The following SLC4A4 variants were observed in gnomAD, a reference collection of about 807,000 sequenced individuals.
The protein encoded by SLC4A4 is solute carrier family 4 member 4, also known as electrogenic sodium bicarbonate cotransporter 1.
Under a neutral mutation model 111.5 loss-of-function variants are expected in SLC4A4, and 27 were observed. That is an observed-to-expected ratio of 0.24 (90% CI 0.18 to 0.33). The LOEUF (loss-of-function observed/expected upper bound fraction) is 0.33, where lower values mean the gene tolerates loss of function less well. SLC4A4 is among the 10% of genes least tolerant of loss of function. SLC4A4 has a pLI of 1.00. For synonymous variants in SLC4A4, 443 were observed against 463.4 expected (o/e 0.96, Z 0.57); for missense variants, 909 against 1,315.5 (o/e 0.69, Z 4.78).
chr4:71,539,282 A>G lies in SLC4A4; in HGVS notation c.2442+4894A>G, dbSNP rs770781761. 7.4e-5 allele frequency among the ~76,000 whole-genome samples: 11 copies of G among 149,090 alleles called. No homozygotes were observed. In the South Asian group the frequency reaches 2.3e-3, roughly 32 times the overall value. On this transcript the variant is annotated intron_variant, in intron 18 of 25. Coordinates refer to ENST00000264485, the MANE Select transcript of SLC4A4 (RefSeq NM_001098484.3). ...TCCTTGCTTCATTCCAAAAGCCTTC[A>G]TTTTTTTTTTAAATGCTATTCTTGT...
At chr4:71,447,881 T>C (rs1577928037) in intron 9 of SLC4A4, 148 bp downstream of exon 9, 5 of 712,894 alleles carry the variant, frequency 7.0e-6, no homozygotes, top group Non-Finnish European at 1.3e-5. Context: ...ACAAATGAGC[T>C]GAATCCTATA....
At chr4:71,290,437 A>G (rs538364043) in intron 3 of SLC4A4, among the ~76,000 whole-genome samples, 26 of 152,304 alleles carry the variant, frequency 1.7e-4, no homozygotes, top group African/African-American at 5.8e-4. Flanking sequence ...AACAGTGCTA[A>G]CTGAAGCATA....
At chr4:71,090,696 T>C (rs542966819) in intron 1 of SLC4A4, among the ~76,000 whole-genome samples, 25 of 152,336 alleles carry the variant, frequency 1.6e-4, no homozygotes, top group Non-Finnish European at 2.8e-4. Flanking sequence ...ACAAGGGTTG[T>C]TCTTTGCTGG....
At chr4:71,518,517 G>A (rs1732621441) in intron 16 of SLC4A4, among the ~76,000 whole-genome samples, 1 of 152,088 alleles carries the variant, frequency 6.6e-6, no homozygotes, top group South Asian at 2.1e-4. Flanking sequence ...CACTAGTCTG[G>A]AACCTGGGGT....
intron 1 of SLC4A4, among the ~76,000 whole-genome samples, chr4:71,189,577 G>A (rs544727584): frequency 1.3e-5 from 2 of 152,196 alleles, no homozygotes; most frequent in South Asian, 4.2e-4. Flanking sequence ...CCCTTGTTCC[G>A]ATAACAAGAG....
chr4:71,149,503 G>A (rs1687535209), intron 2 of SLC4A4, among the ~76,000 whole-genome samples: 1 of 152,126 alleles, frequency 6.6e-6, no homozygotes, highest in African/African-American at 2.4e-5. Flanking sequence ...TCAGCTACTG[G>A]ATCAAACTGG....
intron 1 of SLC4A4, among the ~76,000 whole-genome samples, chr4:71,209,033 T>C (rs1717964933): frequency 6.6e-6 from 1 of 152,228 alleles, no homozygotes. Context: ...TTATGCTCTT[T>C]ATGCAATGCT....
At chr4:71,405,843 A>T (rs1264050520) in intron 7 of SLC4A4, among the ~76,000 whole-genome samples, 1 of 152,168 alleles carries the variant, frequency 6.6e-6, no homozygotes, top group Non-Finnish European at 1.5e-5. Context: ...TCAGAAGCTT[A>T]AAGTATAGAG....
chr4:71,397,267 G>T (rs951650943), intron 6 of SLC4A4, among the ~76,000 whole-genome samples: 1 of 152,224 alleles, frequency 6.6e-6, no homozygotes, highest in African/African-American at 2.4e-5. Context: ...ATGACAAAGA[G>T]TGAACAAAAC....
At chr4:71,128,252 T>C (rs1743610638) in intron 2 of SLC4A4, among the ~76,000 whole-genome samples, 1 of 151,538 alleles carries the variant, frequency 6.6e-6, no homozygotes, top group Non-Finnish European at 1.5e-5. Flanking sequence ...GCATAGAGAG[T>C]GTTTGTGTGG....
At chr4:71,116,049 G>A (rs541977935) in intron 2 of SLC4A4, among the ~76,000 whole-genome samples, 1 of 151,986 alleles carries the variant, frequency 6.6e-6, no homozygotes, top group East Asian at 1.9e-4. Context: ...CACACACCAC[G>A]ACGCCTGGCT....
At chr4:71,398,284 CAAAA>C (rs34473877) in intron 7 of SLC4A4, among the ~76,000 whole-genome samples, 3 of 78,410 alleles carry the variant, frequency 3.8e-5, no homozygotes, top group African/African-American at 1.8e-4. Context: ...GACTTTGTCT[CAAAA>C]AAAAAAAAAA....
At chr4:71,563,305 A>G (rs1737157533) in intron 23 of SLC4A4, among the ~76,000 whole-genome samples, 2 of 151,832 alleles carry the variant, frequency 1.3e-5, no homozygotes, top group South Asian at 4.1e-4. Flanking sequence ...TAGTGTACAT[A>G]GAAGGCTTCT....
intron 18 of SLC4A4, among the ~76,000 whole-genome samples, chr4:71,538,719 G>A (rs570493379): frequency 1.3e-5 from 2 of 152,046 alleles, no homozygotes; most frequent in East Asian, 3.9e-4. Flanking sequence ...GGCTCTGGCT[G>A]TCTGTTCTGC....
Position 71,560,102 on chromosome 4 carries a change from C to T in SLC4A4, c.2947C>T (p.Leu983Phe). Residue 983 changes from leucine (L) to phenylalanine (F), a missense_variant, in exon 23 of 26, where the codon CTT becomes TTT. Leu to Phe is a conservative substitution (Grantham distance 22). Around this residue, in one of 7 missense-constraint regions of SLC4A4, gnomAD observed 104 missense variants for 219.5 expected, o/e 0.47. Transcript: ENST00000264485. ...ATATTTGCTCTTTCAGATCTTGGCA[C>T]TTGTAGCTGTCAGAAAAGGCATGGA... The part of the protein sequence containing the change: ...AIIFPVMILA[L>F]VAVRKGMDYL... 2 of 1,610,010 alleles carry T rather than the reference C, an allele frequency of 1.2e-6. No individual in the cohort carries two copies. Among genetic ancestry groups the T allele is most frequent in the Non-Finnish European group, 1.7e-6 (2 of 1,176,924 alleles).
At chr4:71,352,695 A>T (rs1318527234) in intron 5 of SLC4A4, among the ~76,000 whole-genome samples, 1 of 152,212 alleles carries the variant, frequency 6.6e-6, no homozygotes. Context: ...ATTAAATAAG[A>T]TCATCAGATG....
At position 71,159,431 on chromosome 4, in the gene SLC4A4, T is replaced by C. The variant is rs145273193; in HGVS notation, c.-2+66639T>C. Among the ~76,000 whole-genome samples the C allele has an allele frequency of 7.5e-3, 1,135 of 152,300 alleles. 8 individuals carry two copies. Among genetic ancestry groups the C allele is most frequent in the African/African-American group, 0.017 (721 of 41,558 alleles). The stretch of plus-strand genomic sequence containing the variant: ...CTCTGTCACCCAGGCTGGAGTATAG[T>C]GGCGTGATCTTGGCTCACTGCAACC... On this transcript the variant is annotated intron_variant, in intron 2 of 26. Transcript: ENST00000649996.
chr4:71,222,878 C>T (rs1718831186), intron 1 of SLC4A4, among the ~76,000 whole-genome samples: 1 of 152,168 alleles, frequency 6.6e-6, no homozygotes, highest in Non-Finnish European at 1.5e-5. Context: ...ATTGTGATTT[C>T]AACTATTTGC....
chr4:71,285,167 A>G lies in SLC4A4; in HGVS notation c.253+29768A>G, dbSNP rs183435543. 3.9e-5 allele frequency among the ~76,000 whole-genome samples: 6 copies of G among 152,318 alleles called. No homozygotes were observed. In the East Asian group the frequency reaches 1.2e-3, roughly 29 times the overall value. ...GCCTTAAGCACTGCATCAAGGAATC[A>G]ACATAGAGCACTGGTAAGTTAGTAG... On this transcript the variant is annotated intron_variant, in intron 3 of 25. Coordinates refer to ENST00000264485, the MANE Select transcript of SLC4A4 (RefSeq NM_001098484.3).
Sources: gnomAD v4.1 joint callset for allele counts (sites outside exome capture counted in the v4.1 genomes callset) on GRCh38, gnomAD v4.1.1 for gene constraint, gnomAD v4.1.1 regional missense constraint, MANE v1.5 for transcripts, NCBI Gene and HGNC (gene_info 2026-07-23, HGNC 2026-07-21) for gene names.